Variants in ARFGEF3 observed in about 807,000 individuals in gnomAD.
ARFGEF3 encodes the protein brefeldin A-inhibited guanine nucleotide-exchange protein 3.
ARFGEF3 carries 96 observed loss-of-function variants against 221.7 expected under a neutral mutation model. The ratio of observed to expected loss-of-function variants is 0.43; its 90% CI spans 0.37 to 0.51. The LOEUF is 0.51. Ranked by LOEUF, ARFGEF3 falls within the 20% of genes least tolerant of loss-of-function variation. The probability of loss-of-function intolerance (pLI) is 0.00; values close to 1 mark genes in which losing one functional copy is unlikely to be tolerated. For missense variants in ARFGEF3, 2,410 were observed against 2,789.9 expected, an observed-to-expected ratio of 0.86 and a Z score of 3.07; for synonymous variants, 1,145 against 1,126.8, an observed-to-expected ratio of 1.02 and a Z score of -0.32.
Position 138,209,993 on chromosome 6 carries a change from G to A in ARFGEF3, c.303G>A (p.Val101=), listed in dbSNP as rs1286347723. The A allele has an allele frequency of 6.2e-7, 1 of 1,613,816 alleles. No individual in the cohort carries two copies. Among genetic ancestry groups the A allele is most frequent in the African/African-American group, 1.3e-5 (1 of 74,918 alleles). The change falls in exon 4 of 34, where the codon GTG becomes GTA. Residue 101 remains valine (V), a synonymous_variant. Transcript: ENST00000251691. Reference sequence around the variant, plus strand: ...TGCTCAATCAGATACTGAATGCCGTGAAAGTGACGCCTTCGCTCAACGAGG... The same window carrying A: ...TGCTCAATCAGATACTGAATGCCGTAAAAGTGACGCCTTCGCTCAACGAGG... ...KQLLNQILNA[V]KVTPSLNEDL... is the part of the protein sequence containing the mutation.
chr6:138,174,348 G>C (rs1372866160), intron 2 of ARFGEF3, among the ~76,000 whole-genome samples: 4 of 151,728 alleles, frequency 2.6e-5, no homozygotes, highest in African/African-American at 9.7e-5. Context: ...TTTTCCCCCT[G>C]TGTTGTAAAT....
At chr6:138,201,019 A>G (rs1583007717) in intron 2 of ARFGEF3, among the ~76,000 whole-genome samples, 1 of 152,230 alleles carries the variant, frequency 6.6e-6, no homozygotes, top group Non-Finnish European at 1.5e-5. Flanking sequence ...AAGGACATGA[A>G]TAGACAGTTC....
rs79502288 is a variant in ARFGEF3 at position 138,189,355 on chromosome 6, G to A, written c.138-17687G>A. Among the ~76,000 whole-genome samples, 346 of 152,256 alleles carry A rather than the reference G, an allele frequency of 2.3e-3. 1 individual carries two copies. Among genetic ancestry groups the A allele is most frequent in the African/African-American group, 7.8e-3 (324 of 41,550 alleles). On this transcript the variant is annotated intron_variant, in intron 2 of 33. Coordinates refer to ENST00000251691, the MANE Select transcript of ARFGEF3 (RefSeq NM_020340.5). Reference sequence around the variant, plus strand: ...ACTTGAACCATGCGGAAGGTTTTACGACATCCCTACTTTATAGAGAGGAGA... The same window carrying A: ...ACTTGAACCATGCGGAAGGTTTTACAACATCCCTACTTTATAGAGAGGAGA...
intron 32 of ARFGEF3, among the ~76,000 whole-genome samples, chr6:138,331,361 T>G (rs1780224128): frequency 6.6e-6 from 1 of 152,260 alleles, no homozygotes; most frequent in African/African-American, 2.4e-5. Flanking sequence ...TGCTTTGCAT[T>G]CTTAGATTTG....
intron 14 of ARFGEF3, among the ~76,000 whole-genome samples, chr6:138,281,953 G>GT (rs1371867472): frequency 6.6e-6 from 1 of 151,756 alleles, no homozygotes; most frequent in Non-Finnish European, 1.5e-5. Flanking sequence ...TGGTTGGTTG[G>GT]TTTTTTTGTT....
At chr6:138,244,903 T>C (rs1390754140) in intron 7 of ARFGEF3, among the ~76,000 whole-genome samples, 1 of 152,182 alleles carries the variant, frequency 6.6e-6, no homozygotes, top group African/African-American at 2.4e-5. Context: ...CATCAAGATG[T>C]TTTTGAAATT....
At chr6:138,211,138 G>C (rs1265023972) in intron 4 of ARFGEF3, among the ~76,000 whole-genome samples, 1 of 152,204 alleles carries the variant, frequency 6.6e-6, no homozygotes, top group East Asian at 1.9e-4. Context: ...GGATTGTTTT[G>C]AGAATTAAAT....
At chr6:138,275,116 TAATA>T (rs1324740803) in intron 12 of ARFGEF3, among the ~76,000 whole-genome samples, 7 of 151,788 alleles carry the variant, frequency 4.6e-5, no homozygotes, top group African/African-American at 1.2e-4. Context: ...TCAAAAAAAA[TAATA>T]AATAAATAAA....
chr6:138,262,641 T>G (rs1778814710), intron 11 of ARFGEF3, 60 bp from the exon 12 acceptor site: 3 of 1,496,098 alleles, frequency 2.0e-6, no homozygotes, highest in Non-Finnish European at 1.8e-6. Flanking sequence ...CTTGTTCCTT[T>G]CAGAGATATT....
chr6:138,271,486 A>G (rs1430894387), intron 12 of ARFGEF3, among the ~76,000 whole-genome samples: 1 of 152,188 alleles, frequency 6.6e-6, no homozygotes, highest in African/African-American at 2.4e-5. Flanking sequence ...TGCATTGTCT[A>G]AAGGTTTTAC....
intron 22 of ARFGEF3, among the ~76,000 whole-genome samples, chr6:138,305,432 T>A (rs1779702358): frequency 6.6e-6 from 1 of 151,414 alleles, no homozygotes; most frequent in African/African-American, 2.4e-5. Context: ...GAGACCCCCA[T>A]CTCTACAAAA....
chr6:138,259,474 T>G (rs1336246233), intron 10 of ARFGEF3, among the ~76,000 whole-genome samples: 1 of 152,192 alleles, frequency 6.6e-6, no homozygotes, highest in African/African-American at 2.4e-5. Flanking sequence ...CTAGTCTTTA[T>G]CAGACCTCTG....
At chr6:138,229,439 C>T (rs985972471) in intron 4 of ARFGEF3, among the ~76,000 whole-genome samples, 25 of 152,146 alleles carry the variant, frequency 1.6e-4, no homozygotes, top group African/African-American at 6.0e-4. Context: ...TAGCATTAAG[C>T]CTGGCATTTT....
At chr6:138,253,531 G>A (rs539248873) in intron 8 of ARFGEF3, among the ~76,000 whole-genome samples, 51 of 152,206 alleles carry the variant, frequency 3.4e-4, no homozygotes, top group Admixed American at 6.5e-4. Flanking sequence ...TCTTCTCCCC[G>A]TGTCTCTTCA....
chr6:138,183,531 A>G (rs1209550613), intron 2 of ARFGEF3, among the ~76,000 whole-genome samples: 1 of 152,074 alleles, frequency 6.6e-6, no homozygotes, highest in African/African-American at 2.4e-5. Flanking sequence ...GTGGGAAGAC[A>G]GGGTGGGGAC....
chr6:138,227,479 G>A (rs1033494663), intron 4 of ARFGEF3, among the ~76,000 whole-genome samples: 2 of 152,100 alleles, frequency 1.3e-5, no homozygotes, highest in African/African-American at 4.8e-5. Context: ...AGTCCTATAA[G>A]CAATGTTAAT....
chr6:138,235,923 C>G (rs1778278095), intron 5 of ARFGEF3, among the ~76,000 whole-genome samples: 1 of 152,058 alleles, frequency 6.6e-6, no homozygotes, highest in Non-Finnish European at 1.5e-5. Context: ...CTTACCTTTT[C>G]CCTGAATAAA....
Position 138,261,546 on chromosome 6 carries a change from G to T in ARFGEF3, c.1124G>T (p.Arg375Leu). The T allele has an allele frequency of 6.4e-7, 1 of 1,572,984 alleles. No homozygotes were observed. The highest frequency in any genetic ancestry group is 8.6e-7 in the Non-Finnish European group (1 of 1,157,978). ...IMKEILGSPQ[R>L]LCDLAGPSST... ...TTTAAGATACTTGGGAGCCCACAGC[G>T]TCTCTGTGACTTGGCAGGACCCAGC... The change falls in exon 11 of 34, where the codon CGT (arginine) becomes CTT (leucine). Residue 375 changes from arginine (R) to leucine (L), a missense_variant. Arg to Leu is a moderately radical substitution (Grantham distance 102, BLOSUM62 -2). This residue lies in a region of ARFGEF3 where 570 missense variants were observed against 586.9 expected (regional missense o/e 0.97). Coordinates refer to ENST00000251691, the MANE Select transcript of ARFGEF3 (RefSeq NM_020340.5).
chr6:138,303,368 G>A (rs889234896), intron 22 of ARFGEF3, among the ~76,000 whole-genome samples: 1 of 152,162 alleles, frequency 6.6e-6, no homozygotes, highest in Non-Finnish European at 1.5e-5. Flanking sequence ...AAAACATATA[G>A]CAAATGCCAG....
Sources: allele counts gnomAD v4.1 joint callset (sites outside exome capture counted in the v4.1 genomes callset), GRCh38; gene constraint gnomAD v4.1.1; regional missense constraint gnomAD v4.1.1; transcripts MANE v1.5; gene names NCBI Gene and HGNC (gene_info 2026-07-23, HGNC 2026-07-21).